The following PTN variants were observed in gnomAD, a reference collection of about 807,000 sequenced individuals.
PTN encodes pleiotrophin, also known as heparin affin regulatory protein.
PTN carries 18 observed loss-of-function variants against 24.1 expected under a neutral mutation model. The observed-to-expected ratio is 0.75, with a 90% CI of 0.52 to 1.11. The LOEUF is 1.11. Ranked by LOEUF, PTN falls within the 50% of genes least tolerant of loss-of-function variation. The probability of loss-of-function intolerance (pLI) is 0.00; values close to 1 mark genes in which losing one functional copy is unlikely to be tolerated. For missense variants in PTN, 163 were observed against 198.8 expected, an observed-to-expected ratio of 0.82 and a Z score of 1.08; for synonymous variants, 78 against 68.6, an observed-to-expected ratio of 1.14 and a Z score of -0.67.
At chr7:137,333,501 C>CCGTCTTCAA (rs1309335215) in intron 1 of PTN, among the ~76,000 whole-genome samples, 2 of 152,140 alleles carry the variant, frequency 1.3e-5, no homozygotes, top group African/African-American at 4.8e-5. Flanking sequence ...GGCAGCCCCA[C>CCGTCTTCAA]CGTCTTCAAG....
rs74422356 is a variant in PTN, at chr7:137,331,439, C to T, written c.-2+12000G>A. Among the ~76,000 whole-genome samples the T allele has an allele frequency of 8.8e-3, 1,338 of 152,316 alleles. 16 individuals are homozygous for T. The highest frequency in any genetic ancestry group is 0.031 in the African/African-American group (1,270 of 41,568). ...GCCAAAGTTGGTGGGAATCCCAATA[C>T]TGGCACAGATACTAAACGCATTTGA... On this transcript the variant is annotated intron_variant, in intron 1 of 4. Transcript: ENST00000348225.
chr7:137,337,919 A>G (rs1810475376), intron 1 of PTN, among the ~76,000 whole-genome samples: 1 of 152,180 alleles, frequency 6.6e-6, no homozygotes, highest in African/African-American at 2.4e-5. Context: ...TTTCTCACTC[A>G]TTTGCCATCT....
intron 3 of PTN, among the ~76,000 whole-genome samples, chr7:137,252,290 G>A (rs369651183): frequency 1.3e-5 from 2 of 151,866 alleles, no homozygotes; most frequent in African/African-American, 2.4e-5. Context: ...AGGAAAAGAT[G>A]CTGAATATAT....
chr7:137,227,869 T>C lies in PTN; in HGVS notation c.*151A>G. The C allele has an allele frequency of 1.0e-6, 1 of 963,276 alleles. No individual in the cohort carries two copies. Among genetic ancestry groups the C allele is most frequent in the Non-Finnish European group, 1.5e-6 (1 of 678,844 alleles). The allele number at this position is 963,276 out of a possible 1,614,324, so 59.7% of individuals were successfully genotyped here. On this transcript the variant is annotated 3_prime_UTR_variant, in exon 5 of 5. Transcript: ENST00000348225. ...ACTATAGTATACATTTAAAAAACGC[T>C]ACTACAAAAATTTTCTTTTCTTTTT...
chr7:137,338,404 C>T (rs975362148), intron 1 of PTN, among the ~76,000 whole-genome samples: 8 of 152,152 alleles, frequency 5.3e-5, no homozygotes, highest in African/African-American at 1.7e-4. Flanking sequence ...AATGAAAACA[C>T]GAAGGAATCA....
intron 1 of PTN, 105 bp from the exon 2 acceptor site, chr7:137,255,079 TTAGATTTCA>T: frequency 1.4e-6 from 1 of 710,560 alleles, no homozygotes; most frequent in Non-Finnish European, 2.1e-6. Flanking sequence ...TTCTGGAATG[TTAGATTTCA>T]GGAAGATTCA....
chr7:137,313,728 T>C (rs1810021111), intron 1 of PTN, among the ~76,000 whole-genome samples: 1 of 152,210 alleles, frequency 6.6e-6, no homozygotes, highest in Non-Finnish European at 1.5e-5. Flanking sequence ...GTAACTAATC[T>C]GAAAATCATG....
intron 1 of PTN, among the ~76,000 whole-genome samples, chr7:137,284,593 G>T (rs1375515512): frequency 6.6e-6 from 1 of 152,146 alleles, no homozygotes; most frequent in Non-Finnish European, 1.5e-5. Context: ...TTGCCATAGA[G>T]TATCTTGGTT....
chr7:137,293,321 A>G (rs530599277), intron 1 of PTN, among the ~76,000 whole-genome samples: 3 of 152,134 alleles, frequency 2.0e-5, no homozygotes, highest in Admixed American at 6.6e-5. Context: ...CAGGTGATTG[A>G]AGCTAGTGTG....
intron 1 of PTN, among the ~76,000 whole-genome samples, chr7:137,329,944 T>C (rs1002611964): frequency 1.3e-5 from 2 of 152,168 alleles, no homozygotes; most frequent in African/African-American, 4.8e-5. Flanking sequence ...AAGACAGTAA[T>C]GCAAGATTAG....
intron 1 of PTN, among the ~76,000 whole-genome samples, chr7:137,302,396 G>T (rs1397807620): frequency 6.6e-6 from 1 of 151,922 alleles, no homozygotes; most frequent in Non-Finnish European, 1.5e-5. Flanking sequence ...GAATGTGGTT[G>T]CTTTTAAAAT....
Position 137,334,623 on chromosome 7 carries a change from A to G in PTN, c.-2+8816T>C, listed in dbSNP as rs1305190412. Among the ~76,000 whole-genome samples, 5 of 117,320 alleles carry G rather than the reference A, an allele frequency of 4.3e-5. 1 individual carries two copies. Among genetic ancestry groups the G allele is most frequent in the Non-Finnish European group, 9.2e-5 (5 of 54,412 alleles). 77.0% of individuals were successfully genotyped at this position (117,320 alleles called of 152,430 possible). On this transcript the variant is annotated intron_variant, in intron 1 of 4. Transcript: ENST00000348225. ...CTGTAAACTAGTTCAACCATTGTGGAAGTCAGTGTGGCGATTCCTCAGGGA... is the reference window on the plus strand; with the variant it reads ...CTGTAAACTAGTTCAACCATTGTGGGAGTCAGTGTGGCGATTCCTCAGGGA...
intron 1 of PTN, among the ~76,000 whole-genome samples, chr7:137,267,546 G>T (rs957147330): frequency 6.6e-6 from 1 of 152,058 alleles, no homozygotes; most frequent in Non-Finnish European, 1.5e-5. Context: ...TCAAATGCTG[G>T]CCAGTCTATT....
At chr7:137,230,763 C>T (rs1808413643) in intron 4 of PTN, among the ~76,000 whole-genome samples, 1 of 151,810 alleles carries the variant, frequency 6.6e-6, no homozygotes, top group African/African-American at 2.4e-5. Context: ...AAAATAGTAT[C>T]ACAAAATCTA....
At chr7:137,245,762 G>A (rs987630463) in intron 4 of PTN, among the ~76,000 whole-genome samples, 2 of 152,150 alleles carry the variant, frequency 1.3e-5, no homozygotes, top group Non-Finnish European at 2.9e-5. Flanking sequence ...TGATGTTGAT[G>A]AACCTGACCC....
At chr7:137,337,347 T>C (rs1296405062) in intron 1 of PTN, among the ~76,000 whole-genome samples, 1 of 152,228 alleles carries the variant, frequency 6.6e-6, no homozygotes, top group East Asian at 1.9e-4. Context: ...TTAAGACTTT[T>C]GTTTTCATAT....
chr7:137,299,661 G>T (rs947249942), intron 1 of PTN, among the ~76,000 whole-genome samples: 4 of 151,964 alleles, frequency 2.6e-5, no homozygotes, highest in African/African-American at 9.7e-5. Context: ...TCCATCAAAT[G>T]TGTAAGCTTT....
intron 1 of PTN, among the ~76,000 whole-genome samples, chr7:137,300,417 G>A (rs1809787690): frequency 1.3e-5 from 2 of 151,948 alleles, no homozygotes; most frequent in East Asian, 3.9e-4. Flanking sequence ...GCAAAACACA[G>A]TGCAGTACCT....
At chr7:137,280,871 C>CAA (rs545644934) in intron 1 of PTN, among the ~76,000 whole-genome samples, 25 of 65,698 alleles carry the variant, frequency 3.8e-4, no homozygotes, top group African/African-American at 7.2e-4. Flanking sequence ...GACTTTGTCT[C>CAA]AAAAAAAAAA....
Sources: allele counts gnomAD v4.1 joint callset (sites outside exome capture counted in the v4.1 genomes callset), GRCh38; gene constraint gnomAD v4.1.1; transcripts MANE v1.5; gene names NCBI Gene and HGNC (gene_info 2026-07-23, HGNC 2026-07-21).